Variants in SLX4IP observed in about 807,000 individuals in gnomAD.
The protein encoded by SLX4IP is protein SLX4IP.
A neutral mutation model predicts 32.9 loss-of-function variants in SLX4IP; 34 were observed. The ratio of observed to expected loss-of-function variants is 1.03; its 90% CI spans 0.79 to 1.38. SLX4IP has a LOEUF of 1.38. Among genes scored for constraint, SLX4IP ranks in the 40% most tolerant of loss-of-function variants. The pLI, the probability that SLX4IP is intolerant of heterozygous loss-of-function variation, is 0.00. For synonymous variants in SLX4IP, 172 were observed against 171.7 expected, an observed-to-expected ratio of 1.00 and a Z score of -0.01; for missense variants, 444 against 479.0, an observed-to-expected ratio of 0.93 and a Z score of 0.68.
rs1413011126 is a variant in SLX4IP, at chr20:10,501,971, A to G, written c.27+43740A>G. 5.3e-5 allele frequency among the ~76,000 whole-genome samples: 8 copies of G among 152,358 alleles called. No individual in the cohort carries two copies. The East Asian group carries it at 1.5e-3, about 29-fold the overall frequency. The stretch of plus-strand genomic sequence containing the variant: ...TGATGAGAGCACACCGTTTGTCTTT[A>G]AATAAACCTAGATGTGATCTTTGGT... On this transcript the variant is annotated intron_variant, in intron 2 of 7. Transcript: ENST00000334534.
At chr20:10,465,374 C>T (rs1389789433) in intron 2 of SLX4IP, among the ~76,000 whole-genome samples, 3 of 152,170 alleles carry the variant, frequency 2.0e-5, no homozygotes, top group Admixed American at 2.0e-4. Flanking sequence ...TCCCTGGCTG[C>T]TTTTATGCTA....
At chr20:10,504,472 C>A (rs1013790522) in intron 2 of SLX4IP, among the ~76,000 whole-genome samples, 1 of 152,088 alleles carries the variant, frequency 6.6e-6, no homozygotes, top group Non-Finnish European at 1.5e-5. Flanking sequence ...ATTATTCTGC[C>A]CTTCCAAATG....
At chr20:10,607,179 C>T (rs1348859091) in intron 6 of SLX4IP, among the ~76,000 whole-genome samples, 1 of 152,162 alleles carries the variant, frequency 6.6e-6, no homozygotes, top group African/African-American at 2.4e-5. Context: ...CGAGCTGTGT[C>T]TGCCTCTGCC....
rs146398982 is a variant in SLX4IP, at chr20:10,599,630, C to T, written c.316+878C>T. Among the ~76,000 whole-genome samples, 385 of 151,624 alleles carry T rather than the reference C, an allele frequency of 2.5e-3. 1 individual carries two copies. The highest frequency in any genetic ancestry group is 5.5e-3 in the Admixed American group (84 of 15,208). On this transcript the variant is annotated intron_variant, in intron 5 of 7. Coordinates refer to ENST00000334534, the MANE Select transcript of SLX4IP (RefSeq NM_001009608.3). ...GCAGCTGGTCTCAAACTCCTGGGGTCAAGCTGTACTCCCGCCTTGGCCTCC... is the reference window on the plus strand; with the variant it reads ...GCAGCTGGTCTCAAACTCCTGGGGTTAAGCTGTACTCCCGCCTTGGCCTCC...
chr20:10,602,651 T>C (rs991157860), intron 6 of SLX4IP, among the ~76,000 whole-genome samples: 1 of 152,200 alleles, frequency 6.6e-6, no homozygotes, highest in African/African-American at 2.4e-5. Flanking sequence ...CCAACAGACA[T>C]TAACCGGGCC....
In SLX4IP at chr20:10,560,823, A is replaced by G. The variant is rs762118860; in HGVS notation, c.238+3A>G. 1.3e-6 allele frequency: 2 copies of G among 1,588,594 alleles called. No homozygotes were observed. Among genetic ancestry groups the G allele is most frequent in the Non-Finnish European group, 1.7e-6 (2 of 1,170,248 alleles). On this transcript the variant is annotated splice_donor_region_variant and intron_variant, in intron 4 of 7. Coordinates refer to ENST00000334534, the MANE Select transcript of SLX4IP (RefSeq NM_001009608.3). ...ATCCAATCCCTTGTCCTTAAAAGGT[A>G]GGCACAGAGCACTTTGATTTTGGAC...
chr20:10,499,862 A>C (rs1247390647), intron 2 of SLX4IP, among the ~76,000 whole-genome samples: 7 of 152,228 alleles, frequency 4.6e-5, no homozygotes, highest in African/African-American at 1.7e-4. Flanking sequence ...ATGTATAGCT[A>C]ATCATGATAA....
intron 2 of SLX4IP, among the ~76,000 whole-genome samples, chr20:10,510,597 ATTATTT>A (rs2065798149): frequency 7.4e-6 from 1 of 134,850 alleles, no homozygotes; most frequent in Admixed American, 8.0e-5. Context: ...TATTATTATT[ATTATTT>A]TTATTATTTT....
In SLX4IP at chr20:10,561,195, A is replaced by T. The variant is rs149890548; in HGVS notation, c.238+375A>T. On this transcript the variant is annotated intron_variant, in intron 4 of 7. Coordinates refer to ENST00000334534, the MANE Select transcript of SLX4IP (RefSeq NM_001009608.3). ...ATTTTCAAATTAGAGTAATTAGCAT[A>T]TCTATCACCTGAGCATTTATCATTT... Among the ~76,000 whole-genome samples, 448 of 152,340 alleles carry T rather than the reference A, an allele frequency of 2.9e-3. 12 individuals carry two copies. In the East Asian group the frequency reaches 0.07, roughly 24 times the overall value.
chr20:10,516,079 G>A (rs1892142216), intron 2 of SLX4IP, among the ~76,000 whole-genome samples: 1 of 152,120 alleles, frequency 6.6e-6, no homozygotes, highest in Admixed American at 6.5e-5. Flanking sequence ...GTAGAGACGG[G>A]GTTTCACCAT....
intron 2 of SLX4IP, among the ~76,000 whole-genome samples, chr20:10,468,088 A>G (rs1212636656): frequency 1.3e-5 from 2 of 152,190 alleles, no homozygotes; most frequent in African/African-American, 4.8e-5. Context: ...TCAAACAAAG[A>G]ACTGAGTTTA....
At chr20:10,520,158 C>T (rs1008587250) in intron 2 of SLX4IP, among the ~76,000 whole-genome samples, 1 of 152,120 alleles carries the variant, frequency 6.6e-6, no homozygotes, top group Non-Finnish European at 1.5e-5. Flanking sequence ...TCAAGCGATT[C>T]TCCTGCCTCA....
At chr20:10,482,700 C>T (rs981334726) in intron 2 of SLX4IP, among the ~76,000 whole-genome samples, 3 of 152,120 alleles carry the variant, frequency 2.0e-5, no homozygotes, top group African/African-American at 7.2e-5. Flanking sequence ...AATAGCCATT[C>T]CCTATACTTC....
intron 4 of SLX4IP, among the ~76,000 whole-genome samples, chr20:10,581,810 TGCTTGGGAGACTGAGGCAG>T (rs1248552352): frequency 1.3e-5 from 2 of 152,150 alleles, no homozygotes; most frequent in African/African-American, 4.8e-5. Context: ...GAGTCCTACT[TGCTTGGGAGACTGAGGCAG>T]GAGGATCGCT....
intron 2 of SLX4IP, among the ~76,000 whole-genome samples, chr20:10,510,978 C>A (rs1317797809): frequency 2.0e-5 from 3 of 152,252 alleles, no homozygotes; most frequent in East Asian, 3.9e-4. Flanking sequence ...CTTTGAAGGA[C>A]CCTGCCAGCC....
Position 10,560,762 on chromosome 20 carries a change from C to G in SLX4IP, c.180C>G (p.Arg60=), listed in dbSNP as rs779288593. 1.2e-6 allele frequency: 2 copies of G among 1,608,076 alleles called. No individual in the cohort carries two copies. The highest frequency in any genetic ancestry group is 2.2e-5 in the South Asian group (2 of 90,170). ...DSRVQEYLEV[R]KQHRPSNAEF... is the part of the protein sequence containing the mutation. Reference sequence around the variant, plus strand: ...GAGTTCAGGAGTACTTGGAAGTTCGCAAACAGCACAGGCCATCAAATGCAG... The same window carrying G: ...GAGTTCAGGAGTACTTGGAAGTTCGGAAACAGCACAGGCCATCAAATGCAG... The change falls in exon 4 of 8, where the codon CGC becomes CGG. Residue 60 remains arginine (R), a synonymous_variant. Coordinates refer to ENST00000334534, the MANE Select transcript of SLX4IP (RefSeq NM_001009608.3).
intron 2 of SLX4IP, among the ~76,000 whole-genome samples, chr20:10,555,787 C>G (rs1413941650): frequency 1.3e-5 from 2 of 152,162 alleles, no homozygotes; most frequent in Non-Finnish European, 2.9e-5. Context: ...CTAGCCAATC[C>G]TTTTGTCCGT....
intron 2 of SLX4IP, among the ~76,000 whole-genome samples, chr20:10,470,663 T>A (rs1028123858): frequency 2.6e-5 from 4 of 152,248 alleles, no homozygotes; most frequent in Admixed American, 2.0e-4. Flanking sequence ...ATGCTGTTTG[T>A]TCCACAGTGG....
chr20:10,465,473 A>G (rs967351542), intron 2 of SLX4IP, among the ~76,000 whole-genome samples: 1 of 152,224 alleles, frequency 6.6e-6, no homozygotes, highest in African/African-American at 2.4e-5. Flanking sequence ...TGATTTATGT[A>G]TAGAATATGT....
Sources: gnomAD v4.1 joint callset for allele counts (sites outside exome capture counted in the v4.1 genomes callset) on GRCh38, gnomAD v4.1.1 for gene constraint, MANE v1.5 for transcripts, NCBI Gene and HGNC (gene_info 2026-07-23, HGNC 2026-07-21) for gene names.